The following ZPBP variants were observed in gnomAD, a reference collection of about 807,000 sequenced individuals.
ZPBP encodes zona pellucida binding protein.
ZPBP carries 26 observed loss-of-function variants against 44.8 expected under a neutral mutation model. The ratio of observed to expected loss-of-function variants is 0.58; its 90% CI spans 0.43 to 0.81. ZPBP has a LOEUF of 0.81. ZPBP is among the 30% of genes least tolerant of loss of function. The pLI is 0.00. For synonymous variants in ZPBP, 174 were observed against 153.2 expected (o/e 1.14, Z -1.00); for missense variants, 409 against 434.0 (o/e 0.94, Z 0.51).
At chr7:50,026,153 A>G (rs145967088) in intron 5 of ZPBP, among the ~76,000 whole-genome samples, 468 of 152,106 alleles carry the variant, frequency 3.1e-3, no homozygotes, top group African/African-American at 0.01. Context: ...CTACACAAAC[A>G]TCAGAGAAAA....
chr7:49,912,428 A>G (rs1793502974), intron 1 of ZPBP: 1 of 395,512 alleles, frequency 2.5e-6, no homozygotes, highest in South Asian at 3.4e-5. Context: ...TTTCACAGTA[A>G]GTACACAAAA....
chr7:50,079,614 T>A (rs1802266397), intron 3 of ZPBP, among the ~76,000 whole-genome samples: 1 of 151,586 alleles, frequency 6.6e-6, no homozygotes, highest in South Asian at 2.1e-4. Context: ...ATAAGATGAA[T>A]AAGTTCAGGA....
chr7:49,916,767 C>CT, intron 1 of ZPBP: 1 of 152,194 alleles, frequency 6.6e-6, no homozygotes, highest in Non-Finnish European at 1.5e-5. Flanking sequence ...TGTTTGCCAA[C>CT]CCAGTTGTCT....
In ZPBP at chr7:50,031,210, C is replaced by T; in HGVS notation, c.588G>A (p.Gln196=). ...GGTCAAGAAGCAGTTTGCTTAAAAT[C>T]TGAAGAAGTTTCTTCTCAAAAGAAA... The part of the protein sequence containing the change: ...YNISFEKKLL[Q]ILSKLLLDLS... The change falls in exon 5 of 8, where the codon CAG becomes CAA. Residue 196 remains glutamine (Q), a synonymous_variant. Coordinates refer to ENST00000046087, the MANE Select transcript of ZPBP (RefSeq NM_007009.3). The T allele has an allele frequency of 6.2e-7, 1 of 1,613,518 alleles. No individual in the cohort carries two copies. The highest frequency in any genetic ancestry group is 1.1e-5 in the South Asian group (1 of 91,060).
chr7:50,020,878 T>G (rs993495076), intron 5 of ZPBP, among the ~76,000 whole-genome samples: 1 of 152,004 alleles, frequency 6.6e-6, no homozygotes, highest in Non-Finnish European at 1.5e-5. Flanking sequence ...CTCTGTCAAG[T>G]CAGTAGCTAA....
intron 4 of ZPBP, among the ~76,000 whole-genome samples, chr7:50,038,255 C>T (rs967849587): frequency 6.6e-6 from 1 of 152,172 alleles, no homozygotes; most frequent in Admixed American, 6.5e-5. Flanking sequence ...GGCTGCAGAA[C>T]AGAAAGCTCT....
intron 4 of ZPBP, chr7:50,056,342 A>T (rs1239746372): frequency 6.6e-6 from 1 of 152,126 alleles, no homozygotes; most frequent in Non-Finnish European, 1.5e-5. Context: ...TTTGATTTTC[A>T]AAGAAAATCA....
intron 4 of ZPBP, 82 bp from the exon 5 acceptor site, chr7:50,031,392 T>C (rs1243482340): frequency 2.9e-6 from 3 of 1,028,408 alleles, no homozygotes; most frequent in Admixed American, 4.7e-5. Flanking sequence ...AGAAATATCA[T>C]TATTTGGTAT....
chr7:49,854,283 T>A (rs557453356), intron 2 of ZPBP, among the ~76,000 whole-genome samples: 23 of 152,300 alleles, frequency 1.5e-4, no homozygotes, highest in African/African-American at 5.5e-4. Flanking sequence ...CCTTGAGGAA[T>A]TGCCACACTC....
chr7:50,064,848 G>A (rs1177876619), intron 3 of ZPBP, among the ~76,000 whole-genome samples: 9 of 152,054 alleles, frequency 5.9e-5, no homozygotes, highest in Non-Finnish European at 1.0e-4. Context: ...CATCCTCCTC[G>A]GCTGACAGGA....
chr7:50,088,205 T>A (rs996419178), intron 2 of ZPBP, among the ~76,000 whole-genome samples: 9 of 151,986 alleles, frequency 5.9e-5, no homozygotes, highest in African/African-American at 1.9e-4. Flanking sequence ...CAAATGGTGA[T>A]AAAACAACTC....
Position 50,081,775 on chromosome 7 carries a change from T to A in ZPBP, c.333A>T (p.Ser111=), listed in dbSNP as rs1321685214. The A allele has an allele frequency of 6.2e-7, 1 of 1,610,882 alleles. No individual in the cohort carries two copies. Among genetic ancestry groups the A allele is most frequent in the Middle Eastern group, 1.7e-4 (1 of 5,942 alleles). Residue 111 remains serine (S), a splice_region_variant and synonymous_variant, in exon 3 of 8, where the codon TCA becomes TCT. Coordinates refer to ENST00000046087, the MANE Select transcript of ZPBP (RefSeq NM_007009.3). The part of the protein sequence containing the change: ...QWYGPKGKVV[S]VENRTAQITS... ...ACAATAATTGAAACAAAATCCTACCTGAAACAACTTTTCCTTTAGGCCCAT... is the reference window on the plus strand; with the variant it reads ...ACAATAATTGAAACAAAATCCTACCAGAAACAACTTTTCCTTTAGGCCCAT...
intron 7 of ZPBP, among the ~76,000 whole-genome samples, chr7:49,973,659 A>C (rs915544003): frequency 2.1e-4 from 32 of 152,224 alleles, no homozygotes; most frequent in Middle Eastern, 3.4e-3. Context: ...ACATTCACTA[A>C]GACGGCTAGT....
chr7:50,008,097 A>G (rs1798395458), intron 6 of ZPBP, among the ~76,000 whole-genome samples: 2 of 152,100 alleles, frequency 1.3e-5, no homozygotes, highest in African/African-American at 4.8e-5. Flanking sequence ...TTTACAGATG[A>G]CATGATCTTA....
Position 50,068,476 on chromosome 7 carries a change from T to C in ZPBP, c.335-10335A>G, listed in dbSNP as rs562720720. Among the ~76,000 whole-genome samples the C allele has an allele frequency of 2.0e-5, 3 of 152,066 alleles. No individual in the cohort carries two copies. In the South Asian group the frequency reaches 6.2e-4, roughly 32 times the overall value. ...ATGGCCCTGACATTTATCCTTCTAGTGTGCTTTTCTTTTACATCAAGCACA... is the reference window on the plus strand; with the variant it reads ...ATGGCCCTGACATTTATCCTTCTAGCGTGCTTTTCTTTTACATCAAGCACA... On this transcript the variant is annotated intron_variant, in intron 3 of 7. Transcript: ENST00000046087.
Position 50,036,299 on chromosome 7 carries a change from G to A in ZPBP, c.488-4989C>T, listed in dbSNP as rs181508779. On this transcript the variant is annotated intron_variant, in intron 4 of 7. Coordinates refer to ENST00000046087, the MANE Select transcript of ZPBP (RefSeq NM_007009.3). ...CTCCCGAGTAGCTGGGACTACAGGC[G>A]CCTGCCACTGAGCTGGCTACTTTTT... Among the ~76,000 whole-genome samples the A allele has an allele frequency of 1.1e-3, 167 of 152,160 alleles. 1 individual carries two copies. Among genetic ancestry groups the A allele is most frequent in the African/African-American group, 3.9e-3 (162 of 41,522 alleles).
intron 4 of ZPBP, among the ~76,000 whole-genome samples, chr7:50,054,615 T>G (rs1334437326): frequency 6.6e-6 from 1 of 152,106 alleles, no homozygotes; most frequent in African/African-American, 2.4e-5. Context: ...ATATAGAAAA[T>G]TATAAGTTGA....
At chr7:49,915,687 CAA>C (rs530050420) in intron 1 of ZPBP, 197 of 152,072 alleles carry the variant, frequency 1.3e-3, no homozygotes, top group African/African-American at 4.7e-3. Flanking sequence ...ATGTAGAAAA[CAA>C]AATTATAGAC....
At chr7:49,854,701 GA>G (rs1403586008) in intron 2 of ZPBP, among the ~76,000 whole-genome samples, 1 of 152,166 alleles carries the variant, frequency 6.6e-6, no homozygotes, top group Non-Finnish European at 1.5e-5. Flanking sequence ...TTGCTGTGCA[GA>G]AGCTCTTTAG....
Sources: allele counts gnomAD v4.1 joint callset (sites outside exome capture counted in the v4.1 genomes callset), GRCh38; gene constraint gnomAD v4.1.1; transcripts MANE v1.5; gene names NCBI Gene and HGNC (gene_info 2026-07-23, HGNC 2026-07-21).